EPG5: variants seen among roughly 807,000 people sequenced by gnomAD.
EPG5 encodes ectopic P granules protein 5 homolog.
A neutral mutation model predicts 302.7 loss-of-function variants in EPG5; 159 were observed. The ratio of observed to expected loss-of-function variants is 0.53; its 90% CI spans 0.46 to 0.60. The LOEUF is 0.60. EPG5 is among the 20% of genes least tolerant of loss of function. The pLI, the probability that EPG5 is intolerant of heterozygous loss-of-function variation, is 0.00. For synonymous variants in EPG5, 1,158 were observed against 1,136.8 expected (o/e 1.02, Z -0.37); for missense variants, 2,896 against 3,092.4 (o/e 0.94, Z 1.51).
At chr18:45,895,043 A>C (rs2049439925) in intron 27 of EPG5, among the ~76,000 whole-genome samples, 1 of 152,170 alleles carries the variant, frequency 6.6e-6, no homozygotes, top group Non-Finnish European at 1.5e-5. Flanking sequence ...TACCATGGAG[A>C]AATGGCAACA....
At chr18:45,860,041 G>A in intron 40 of EPG5, 63 bp downstream of exon 40, 2 of 1,588,160 alleles carry the variant, frequency 1.3e-6, no homozygotes, top group Non-Finnish European at 1.7e-6. Flanking sequence ...ATCTGCTGAT[G>A]ACAATGCTTT....
intron 16 of EPG5, among the ~76,000 whole-genome samples, chr18:45,919,574 G>A (rs1237463828): frequency 6.6e-6 from 1 of 150,388 alleles, no homozygotes; most frequent in East Asian, 1.9e-4. Context: ...GTGCAGTGGC[G>A]CAATCTCGGC....
At chr18:45,911,153 G>A (rs904217730) in intron 22 of EPG5, among the ~76,000 whole-genome samples, 24 of 136,706 alleles carry the variant, frequency 1.8e-4, no homozygotes, top group African/African-American at 6.5e-4. Flanking sequence ...ACAGAGTCTC[G>A]CTCTGTCACC....
intron 30 of EPG5, among the ~76,000 whole-genome samples, chr18:45,883,525 A>G (rs2049148194): frequency 6.7e-6 from 1 of 148,982 alleles, no homozygotes; most frequent in Admixed American, 6.7e-5. Flanking sequence ...CAGTGGTGCA[A>G]TCACAGCTCA....
rs1261830075 is a variant in EPG5 at position 45,848,734 on chromosome 18, A to G, written c.*3733T>C. ...TAGGATAACACGGACTAATTTGGAC[A>G]CTTTCCCCAAACCGTAGCCCAGTTA... On this transcript the variant is annotated 3_prime_UTR_variant, in exon 44 of 44. Transcript: ENST00000282041. 6.6e-6 allele frequency: 1 copy of G among 152,288 alleles called. No homozygotes were observed. The highest frequency in any genetic ancestry group is 1.9e-4 in the East Asian group (1 of 5,198). The allele number at this position is 152,288 out of a possible 1,614,324, so 9.4% of individuals were successfully genotyped here.
At chr18:45,880,907 G>A (rs1599480980) in intron 31 of EPG5, among the ~76,000 whole-genome samples, 1 of 152,226 alleles carries the variant, frequency 6.6e-6, no homozygotes, top group African/African-American at 2.4e-5. Context: ...TGAGGTACCT[G>A]GGGACAGTGC....
At chr18:45,820,449 T>C in the EPG5 span, among the ~76,000 whole-genome samples, 1 of 152,162 alleles carries the variant, frequency 6.6e-6, no homozygotes, top group Non-Finnish European at 1.5e-5. Context: ...TGGGGCCCAC[T>C]GAATTGGAGC....
At position 45,867,734 on chromosome 18, in the gene EPG5, G is replaced by T; in HGVS notation, c.6240C>A (p.Ser2080Arg). 6.2e-7 allele frequency: 1 copy of T among 1,600,488 alleles called. No homozygotes were observed. The highest frequency in any genetic ancestry group is 8.5e-7 in the Non-Finnish European group (1 of 1,173,856). ...MEAFFKVERG[S>R]PKSCFLFLGS... Reference sequence around the variant, plus strand: ...CCAAAAATAAGAAACAGCTCTTGGGGCTTCCTCGTTCCACCTAAAAGAAAA... The same window carrying T: ...CCAAAAATAAGAAACAGCTCTTGGGTCTTCCTCGTTCCACCTAAAAGAAAA... Residue 2080 changes from serine (S) to arginine (R), a missense_variant, in exon 37 of 44, where the codon AGC becomes AGA. This residue lies in a region of EPG5 where 620 missense variants were observed against 704.2 expected (regional missense o/e 0.88). Coordinates refer to ENST00000282041, the MANE Select transcript of EPG5 (RefSeq NM_020964.3).
chr18:45,866,835 G>A lies in EPG5; in HGVS notation c.6584C>T (p.Ala2195Val), dbSNP rs764699240. The A allele has an allele frequency of 6.8e-6, 11 of 1,614,042 alleles. No individual in the cohort carries two copies. The highest frequency in any genetic ancestry group is 6.8e-6 in the Non-Finnish European group (8 of 1,179,938). The stretch of plus-strand genomic sequence containing the variant: ...GCTGTCAGTAGGAATAGAAAGGCCC[G>A]CAGACACTTTTAGGAGCTTCATGAT... ...ELIMKLLKVS[A>V]GLSIPTDSQK... is the part of the protein sequence containing the mutation. Residue 2195 changes from alanine (A) to valine (V), a missense_variant, in exon 38 of 44, where the codon GCG (alanine) becomes GTG (valine). Transcript: ENST00000282041.
intron 25 of EPG5, among the ~76,000 whole-genome samples, 159 bp downstream of exon 25, chr18:45,903,814 G>A (rs1327291736): frequency 6.6e-6 from 1 of 152,328 alleles, no homozygotes; most frequent in East Asian, 1.9e-4. Context: ...ATTTACAGTT[G>A]CAATTTACAC....
intron 32 of EPG5, among the ~76,000 whole-genome samples, chr18:45,879,442 A>G (rs920658975): frequency 3.3e-5 from 5 of 152,200 alleles, no homozygotes; most frequent in Admixed American, 1.3e-4. Context: ...ATCTTGGCTC[A>G]TCGCAACCTC....
At chr18:45,946,891 T>C in intron 6 of EPG5, 123 bp from the exon 7 acceptor site, 1 of 777,004 alleles carries the variant, frequency 1.3e-6, no homozygotes, top group Non-Finnish European at 2.1e-6. Context: ...TTTAAATTAG[T>C]GAATAAGAAC....
chr18:45,961,753 G>A (rs2051152941), intron 1 of EPG5, among the ~76,000 whole-genome samples: 1 of 151,746 alleles, frequency 6.6e-6, no homozygotes, highest in Non-Finnish European at 1.5e-5. Flanking sequence ...AGCTACTCAG[G>A]AGGCTAAGGC....
the EPG5 span, among the ~76,000 whole-genome samples, chr18:45,823,247 T>C: frequency 2.0e-5 from 3 of 152,198 alleles, no homozygotes; most frequent in Admixed American, 6.5e-5. Flanking sequence ...ATTTAGGAAT[T>C]TGAGCTTGGT....
intron 1 of EPG5, among the ~76,000 whole-genome samples, chr18:45,966,389 A>T (rs1229669449): frequency 1.3e-5 from 2 of 148,508 alleles, no homozygotes; most frequent in Admixed American, 6.6e-5. Flanking sequence ...AAAAAAAAAA[A>T]AAATACATAT....
Position 45,852,255 on chromosome 18 carries a change from C to A in EPG5, c.*212G>T. The stretch of plus-strand genomic sequence containing the variant: ...GATAAATATAAAAACTTAAAGAGTC[C>A]CCAGAAGGTCTTAAGAGCTAAGAAA... On this transcript the variant is annotated 3_prime_UTR_variant, in exon 44 of 44. Coordinates refer to ENST00000282041, the MANE Select transcript of EPG5 (RefSeq NM_020964.3). The A allele has an allele frequency of 2.2e-6, 1 of 454,952 alleles. No individual in the cohort carries two copies. Among genetic ancestry groups the A allele is most frequent in the Non-Finnish European group, 3.8e-6 (1 of 260,198 alleles). The allele number at this position is 454,952 out of a possible 1,614,324, so 28.2% of individuals were successfully genotyped here. A position where few individuals can be genotyped will look rare whatever the true frequency, so the allele number is the denominator to read the frequency against.
At chr18:45,933,152 CTG>C (rs2145834189) in intron 11 of EPG5, among the ~76,000 whole-genome samples, 1 of 152,302 alleles carries the variant, frequency 6.6e-6, no homozygotes, top group African/African-American at 2.4e-5. Flanking sequence ...CAGACAATGG[CTG>C]TGAGACCTCT....
chr18:45,878,923 C>T (rs943245232), intron 33 of EPG5, 90 bp downstream of exon 33: 18 of 1,018,894 alleles, frequency 1.8e-5, no homozygotes, highest in South Asian at 4.3e-5. Context: ...CTCCTTGACA[C>T]TCAATATAAA....
the EPG5 span, chr18:45,842,207 C>T: frequency 6.2e-7 from 1 of 1,613,204 alleles, no homozygotes; most frequent in Non-Finnish European, 8.5e-7. Flanking sequence ...CAGCCACCAA[C>T]ATCCATTTCA....
Sources: gnomAD v4.1 joint callset for allele counts (sites outside exome capture counted in the v4.1 genomes callset) on GRCh38, gnomAD v4.1.1 for gene constraint, gnomAD v4.1.1 regional missense constraint, MANE v1.5 for transcripts, NCBI Gene and HGNC (gene_info 2026-07-23, HGNC 2026-07-21) for gene names.